Variants in CELF1 observed in about 807,000 individuals in gnomAD.
CELF1 encodes CUGBP Elav-like family member 1.
In CELF1, 10 loss-of-function variants were observed where a neutral mutation model predicts 61.8. That is an observed-to-expected ratio of 0.16 (90% CI 0.10 to 0.27). CELF1 has a LOEUF of 0.27. Ranked by LOEUF, CELF1 falls within the 10% of genes least tolerant of loss-of-function variation. The pLI is 1.00. For missense variants in CELF1, 380 were observed against 639.1 expected, an observed-to-expected ratio of 0.59 and a Z score of 4.37; for synonymous variants, 236 against 225.1, an observed-to-expected ratio of 1.05 and a Z score of -0.43.
chr11:47,499,734 T>C, intron 2 of CELF1, 130 bp from the exon 3 acceptor site: 2 of 567,328 alleles, frequency 3.5e-6, no homozygotes, highest in South Asian at 2.1e-5. Flanking sequence ...GATGTGACCA[T>C]GTGAAGGGAG....
chr11:47,528,418 A>G lies in CELF1; in HGVS notation c.-154+24574T>C, dbSNP rs540036116. Reference sequence around the variant, plus strand: ...CAGATTTTCAGTTTAAGGACTCAAGACAACAATATACAGTTATTCCATCTC... The same window carrying G: ...CAGATTTTCAGTTTAAGGACTCAAGGCAACAATATACAGTTATTCCATCTC... On this transcript the variant is annotated intron_variant, in intron 1 of 14. Coordinates refer to ENST00000687097, the MANE Select transcript of CELF1 (RefSeq NM_001376376.1). 6.0e-4 allele frequency among the ~76,000 whole-genome samples: 91 copies of G among 152,224 alleles called. 1 individual carries two copies. The highest frequency in any genetic ancestry group is 1.5e-3 in the Admixed American group (23 of 15,262).
intron 1 of CELF1, among the ~76,000 whole-genome samples, chr11:47,541,868 G>A (rs2153729027): frequency 6.6e-6 from 1 of 151,858 alleles, no homozygotes; most frequent in South Asian, 2.1e-4. Context: ...GAAATTAAAA[G>A]TATAACAGTA....
chr11:47,484,030 G>A (rs1490025399), intron 7 of CELF1, among the ~76,000 whole-genome samples: 7 of 152,012 alleles, frequency 4.6e-5, no homozygotes, highest in South Asian at 2.1e-4. Context: ...AGTTTCCACC[G>A]GTCAAATTAA....
chr11:47,511,300 T>C (rs545632621), intron 1 of CELF1, among the ~76,000 whole-genome samples: 92 of 151,888 alleles, frequency 6.1e-4, no homozygotes, highest in Non-Finnish European at 1.1e-3. Context: ...AGGTCAAAGA[T>C]AGAGGAGGGA....
chr11:47,545,863 G>GTC (rs1195107182), intron 1 of CELF1, among the ~76,000 whole-genome samples: 70 of 73,928 alleles, frequency 9.5e-4, no homozygotes, highest in Non-Finnish European at 1.9e-3. Context: ...GTGTGTGTGT[G>GTC]TGTCTGCGTG....
chr11:47,547,669 CAAA>C (rs1169198313), intron 1 of CELF1, among the ~76,000 whole-genome samples: 1 of 61,058 alleles, frequency 1.6e-5, no homozygotes. Flanking sequence ...AACTCCATCT[CAAA>C]AAAAAAAAAA....
At chr11:47,530,358 A>G (rs1233205754) in intron 1 of CELF1, among the ~76,000 whole-genome samples, 1 of 152,218 alleles carries the variant, frequency 6.6e-6, no homozygotes, top group Non-Finnish European at 1.5e-5. Context: ...AATTCTGAAC[A>G]TGGCTCTCTC....
At chr11:47,482,599 G>A (rs1418646272) in intron 9 of CELF1, 96 bp downstream of exon 9, 2 of 1,226,998 alleles carry the variant, frequency 1.6e-6, no homozygotes, top group East Asian at 2.4e-5. Context: ...TATGCCAAAA[G>A]TTGTAAATGC....
rs1272754449 is a variant in CELF1, at chr11:47,541,636, G to A, written c.-154+11356C>T. Reference sequence around the variant, plus strand: ...ACCCAGGAGGCAGAGGTTGCAGCGAGCCAAGATCTCACCACTGTACTCCAG... The same window carrying A: ...ACCCAGGAGGCAGAGGTTGCAGCGAACCAAGATCTCACCACTGTACTCCAG... On this transcript the variant is annotated intron_variant, in intron 1 of 14. Coordinates refer to ENST00000687097, the MANE Select transcript of CELF1 (RefSeq NM_001376376.1). Among the ~76,000 whole-genome samples, 4 of 149,992 alleles carry A rather than the reference G, an allele frequency of 2.7e-5. 1 individual carries two copies. In the East Asian group the frequency reaches 7.9e-4, roughly 29 times the overall value.
At position 47,467,611 on chromosome 11, in the gene CELF1, C is replaced by T. The variant is rs1163620496; in HGVS notation, c.*4619G>A. 2 of 152,284 alleles carry T rather than the reference C, an allele frequency of 1.3e-5. No homozygotes were observed. The highest frequency in any genetic ancestry group is 2.9e-5 in the Non-Finnish European group (2 of 68,112). 9.4% of individuals were successfully genotyped at this position (152,284 alleles called of 1,614,324 possible). A position where few individuals can be genotyped will look rare whatever the true frequency, so the allele number is the denominator to read the frequency against. ...CCTCCTACGGGTGATTGGGAGCGCC[C>T]TCCTTCCTCCAGGTGCTCACTGCCC... On this transcript the variant is annotated 3_prime_UTR_variant, in exon 15 of 15. Coordinates refer to ENST00000687097, the MANE Select transcript of CELF1 (RefSeq NM_001376376.1).
At chr11:47,478,618 C>T (rs1237625434) in intron 10 of CELF1, among the ~76,000 whole-genome samples, 3 of 152,166 alleles carry the variant, frequency 2.0e-5, no homozygotes, top group Non-Finnish European at 4.4e-5. Context: ...GCTAAACAGC[C>T]CTTTTCCATA....
Position 47,476,383 on chromosome 11 carries a change from C to T in CELF1, c.1087+463G>A, listed in dbSNP as rs560408359. The stretch of plus-strand genomic sequence containing the variant: ...TTAGAAAGGTGGTCCGAAGTTATAG[C>T]TAGCTAACGGACACAGGTGGGATTT... On this transcript the variant is annotated intron_variant, in intron 12 of 14. Transcript: ENST00000687097. 1.1e-3 allele frequency among the ~76,000 whole-genome samples: 170 copies of T among 152,296 alleles called. 4 individuals carry two copies. In the South Asian group the frequency reaches 0.034, roughly 31 times the overall value.
intron 1 of CELF1, among the ~76,000 whole-genome samples, chr11:47,516,542 G>A (rs546524601): frequency 2.0e-5 from 3 of 151,942 alleles, no homozygotes; most frequent in East Asian, 1.9e-4. Flanking sequence ...ACTCTTTAGG[G>A]TAATTGCTTG....
chr11:47,499,407 C>A (rs546834987), intron 3 of CELF1, 46 bp downstream of exon 3: 2 of 1,423,068 alleles, frequency 1.4e-6, no homozygotes, highest in Admixed American at 4.0e-5. Context: ...AGAAAACAGC[C>A]CAGTTCCTCT....
chr11:47,527,905 G>T (rs1335806837), intron 1 of CELF1, among the ~76,000 whole-genome samples: 1 of 152,044 alleles, frequency 6.6e-6, no homozygotes, highest in Non-Finnish European at 1.5e-5. Context: ...AGACCAGCCT[G>T]GCCAACATGG....
intron 2 of CELF1, among the ~76,000 whole-genome samples, chr11:47,558,589 T>TTA (rs1423448226): frequency 0.061 from 6,797 of 110,534 alleles, 377 homozygotes; most frequent in African/African-American, 0.12. Context: ...ATATATATAT[T>TTA]TATATTATAT....
chr11:47,467,996 A>C lies in CELF1; in HGVS notation c.*4234T>G, dbSNP rs1023774428. On this transcript the variant is annotated 3_prime_UTR_variant, in exon 15 of 15. Transcript: ENST00000687097. ...GATATATACGAAGGTGTGAAGAAAC[A>C]GCAGGAAACATGCAAAACTTTTTTC... 6.6e-6 allele frequency: 1 copy of C among 152,244 alleles called. No homozygotes were observed. The highest frequency in any genetic ancestry group is 1.5e-5 in the Non-Finnish European group (1 of 68,040). The allele number at this position is 152,244 out of a possible 1,614,324, so 9.4% of individuals were successfully genotyped here.
chr11:47,505,286 G>A (rs1333259900), intron 1 of CELF1, among the ~76,000 whole-genome samples: 1 of 151,108 alleles, frequency 6.6e-6, no homozygotes, highest in African/African-American at 2.4e-5. Flanking sequence ...TTCTTAGTTG[G>A]TAACAATATA....
chr11:47,538,207 C>T (rs1030077373), intron 1 of CELF1, among the ~76,000 whole-genome samples: 1 of 152,170 alleles, frequency 6.6e-6, no homozygotes, highest in Admixed American at 6.5e-5. Flanking sequence ...GCTACCATGC[C>T]TGGCCCATAA....
Sources: allele counts gnomAD v4.1 joint callset (sites outside exome capture counted in the v4.1 genomes callset), GRCh38; gene constraint gnomAD v4.1.1; transcripts MANE v1.5; gene names NCBI Gene and HGNC (gene_info 2026-07-23, HGNC 2026-07-21).